The following BCL2 variants were observed in gnomAD, a reference collection of about 807,000 sequenced individuals.
The protein encoded by BCL2 is BCL2 apoptosis regulator, also known as apoptosis regulator Bcl-2.
BCL2 carries 1 observed loss-of-function variant against 14.2 expected under a neutral mutation model. That is an observed-to-expected ratio of 0.07 (90% CI 0.02 to 0.33). The LOEUF is 0.33. Among genes scored for constraint, BCL2 ranks in the 10% least tolerant of loss-of-function variants. The pLI is 0.99. For synonymous variants in BCL2, 151 were observed against 137.2 expected, an observed-to-expected ratio of 1.10 and a Z score of -0.70; for missense variants, 247 against 305.9, an observed-to-expected ratio of 0.81 and a Z score of 1.44.
intron 2 of BCL2, among the ~76,000 whole-genome samples, chr18:63,258,767 C>A (rs865975786): frequency 6.6e-6 from 1 of 152,322 alleles, no homozygotes; most frequent in Middle Eastern, 3.4e-3. Flanking sequence ...TGTTCACATG[C>A]CTACCATCTC....
chr18:63,314,696 C>G (rs1230956087), intron 2 of BCL2: 3 of 152,168 alleles, frequency 2.0e-5, no homozygotes, highest in Non-Finnish European at 4.4e-5. Context: ...CTTAAAGAAG[C>G]TGCAAGGTCA....
rs35618914 is a variant in BCL2, at chr18:63,266,656, C to A, written c.585+51426G>T. 9.7e-3 allele frequency among the ~76,000 whole-genome samples: 1,466 copies of A among 150,422 alleles called. 11 individuals are homozygous for A. The highest frequency in any genetic ancestry group is 0.021 in the Middle Eastern group (6 of 292). On this transcript the variant is annotated intron_variant, in intron 2 of 2. Transcript: ENST00000333681. ...TCTCTCTCACACACACACACACACACAAAAATATATATATTTATACTACAT... is the reference window on the plus strand; with the variant it reads ...TCTCTCTCACACACACACACACACAAAAAAATATATATATTTATACTACAT...
At position 63,130,709 on chromosome 18, in the gene BCL2, A is replaced by T. The variant is rs115856282; in HGVS notation, c.586-1950T>A. On this transcript the variant is annotated intron_variant, in intron 2 of 2. Transcript: ENST00000333681. ...CATACTTTAAAAAATTCATGTTTATAGTGTTTAAAACTTTTGCTATTATAA... is the reference window on the plus strand; with the variant it reads ...CATACTTTAAAAAATTCATGTTTATTGTGTTTAAAACTTTTGCTATTATAA... 9.3e-3 allele frequency among the ~76,000 whole-genome samples: 1,418 copies of T among 152,320 alleles called. 29 individuals carry two copies. The highest frequency in any genetic ancestry group is 0.033 in the African/African-American group (1,354 of 41,568).
chr18:63,314,146 T>C (rs750479212), intron 2 of BCL2: 2 of 152,228 alleles, frequency 1.3e-5, no homozygotes, highest in Non-Finnish European at 2.9e-5. Flanking sequence ...GGTCATGTGA[T>C]TCTTGTAGGC....
chr18:63,294,347 C>T (rs1166488598), intron 2 of BCL2, among the ~76,000 whole-genome samples: 2 of 152,068 alleles, frequency 1.3e-5, no homozygotes, highest in South Asian at 2.1e-4. Context: ...CCTGCATTTA[C>T]GAAACCCAAT....
chr18:63,198,283 CA>C (rs1568231029), intron 2 of BCL2, among the ~76,000 whole-genome samples: 2 of 149,724 alleles, frequency 1.3e-5, no homozygotes, highest in Non-Finnish European at 3.0e-5. Flanking sequence ...CAGAGACACA[CA>C]TAGACACAGA....
intron 2 of BCL2, among the ~76,000 whole-genome samples, chr18:63,173,022 ACAT>A (rs1350936358): frequency 6.6e-6 from 1 of 152,264 alleles, no homozygotes; most frequent in Non-Finnish European, 1.5e-5. Context: ...CTGAAAAAAG[ACAT>A]CATATTGTTT....
chr18:63,272,087 T>G (rs1186302485), intron 2 of BCL2, among the ~76,000 whole-genome samples: 5 of 152,216 alleles, frequency 3.3e-5, no homozygotes, highest in Non-Finnish European at 5.9e-5. Context: ...CAAGTCTCAT[T>G]AGCTGAACCC....
At chr18:63,281,740 AAGAG>A (rs1229019857) in intron 2 of BCL2, among the ~76,000 whole-genome samples, 1 of 144,664 alleles carries the variant, frequency 6.9e-6, no homozygotes, top group African/African-American at 2.7e-5. Context: ...AAGAAAGAAA[AAGAG>A]AGAGGAAAGA....
At chr18:63,292,160 T>C (rs181988490) in intron 2 of BCL2, among the ~76,000 whole-genome samples, 126 of 149,184 alleles carry the variant, frequency 8.4e-4, no homozygotes, top group Non-Finnish European at 1.5e-3. Context: ...AATAGTTCAC[T>C]GGTTTTCAGA....
intron 2 of BCL2, among the ~76,000 whole-genome samples, chr18:63,141,902 G>A (rs1914374870): frequency 6.6e-6 from 1 of 152,236 alleles, no homozygotes; most frequent in Admixed American, 6.5e-5. Flanking sequence ...TCGTGAACAC[G>A]GGGCATGGCC....
chr18:63,138,779 A>G (rs923231483), intron 2 of BCL2, among the ~76,000 whole-genome samples: 1 of 152,364 alleles, frequency 6.6e-6, no homozygotes, highest in Middle Eastern at 3.4e-3. Context: ...GAAAAACCCA[A>G]ACAAAACAAA....
chr18:63,301,592 A>G (rs1457048010), intron 2 of BCL2, among the ~76,000 whole-genome samples: 1 of 152,212 alleles, frequency 6.6e-6, no homozygotes, highest in Non-Finnish European at 1.5e-5. Context: ...TGTGATTCAC[A>G]CCGTCATCAA....
chr18:63,250,572 A>C (rs1911281780), intron 2 of BCL2, among the ~76,000 whole-genome samples: 1 of 152,238 alleles, frequency 6.6e-6, no homozygotes, highest in Non-Finnish European at 1.5e-5. Flanking sequence ...TTGGAGTCTT[A>C]ATGGAGAATG....
intron 2 of BCL2, among the ~76,000 whole-genome samples, chr18:63,169,648 G>T (rs559434876): frequency 2.0e-5 from 3 of 151,572 alleles, no homozygotes; most frequent in African/African-American, 7.3e-5. Flanking sequence ...CTAGTCACCC[G>T]AGTAGCTGGG....
chr18:63,232,713 G>A (rs1910722465), intron 2 of BCL2, among the ~76,000 whole-genome samples: 1 of 152,196 alleles, frequency 6.6e-6, no homozygotes, highest in Non-Finnish European at 1.5e-5. Flanking sequence ...GAGCAATTTG[G>A]CAACGCCTAC....
intron 2 of BCL2, chr18:63,302,639 CAG>C (rs1912999459): frequency 1.0e-6 from 1 of 984,930 alleles, no homozygotes; most frequent in African/African-American, 1.8e-5. Context: ...CACATGAATT[CAG>C]AGTGAGTTAA....
chr18:63,198,969 TGACACACA>T (rs1174906235), intron 2 of BCL2, among the ~76,000 whole-genome samples: 1 of 36,750 alleles, frequency 2.7e-5, no homozygotes, highest in Non-Finnish European at 5.8e-5. Flanking sequence ...AGACACACAC[TGACACACA>T]GACACAGAGA....
At chr18:63,281,104 C>T (rs940020471) in intron 2 of BCL2, among the ~76,000 whole-genome samples, 1 of 152,050 alleles carries the variant, frequency 6.6e-6, no homozygotes, top group Non-Finnish European at 1.5e-5. Context: ...TCCACTTATG[C>T]GAGGTACCTA....
Sources: allele counts gnomAD v4.1 joint callset (sites outside exome capture counted in the v4.1 genomes callset), GRCh38; gene constraint gnomAD v4.1.1; transcripts MANE v1.5; gene names NCBI Gene and HGNC (gene_info 2026-07-23, HGNC 2026-07-21).